The following POFUT3 variants were observed in gnomAD, a reference collection of about 807,000 sequenced individuals.
POFUT3 encodes GDP-fucose protein O-fucosyltransferase 3.
chr8:33,399,575 A>G, the POFUT3 span, among the ~76,000 whole-genome samples: 1 of 152,328 alleles, frequency 6.6e-6, no homozygotes, highest in Non-Finnish European at 1.5e-5. Context: ...ATCATGAAAT[A>G]CTAATATCAG....
At chr8:33,373,442 C>A in the POFUT3 span, among the ~76,000 whole-genome samples, 4 of 152,294 alleles carry the variant, frequency 2.6e-5, no homozygotes, top group Non-Finnish European at 4.4e-5. Flanking sequence ...AATAATGGTA[C>A]CTGACATTGG....
chr8:33,417,188 T>C, the POFUT3 span, among the ~76,000 whole-genome samples: 1,700 of 152,286 alleles, frequency 0.011, 71 homozygotes, highest in East Asian at 0.1. Flanking sequence ...GGTTGCACGC[T>C]CCTTATGAGA....
the POFUT3 span, among the ~76,000 whole-genome samples, chr8:33,334,879 G>A: frequency 6.6e-6 from 1 of 152,278 alleles, no homozygotes; most frequent in South Asian, 2.1e-4. Flanking sequence ...GAGGCATAAG[G>A]TGAGACGCCT....
the POFUT3 span, among the ~76,000 whole-genome samples, chr8:33,395,264 C>CCCA: frequency 1.3e-5 from 2 of 152,078 alleles, no homozygotes; most frequent in East Asian, 1.9e-4. Flanking sequence ...TTTGGCCTGC[C>CCCA]CCACCACCTA....
the POFUT3 span, among the ~76,000 whole-genome samples, chr8:33,402,910 A>T: frequency 6.6e-6 from 1 of 151,796 alleles, no homozygotes; most frequent in Non-Finnish European, 1.5e-5. Flanking sequence ...ATTTTTTAAA[A>T]ATCAGCCAGG....
At chr8:33,461,636 T>A in the POFUT3 span, 1 of 1,527,540 alleles carries the variant, frequency 6.5e-7, no homozygotes, top group Non-Finnish European at 8.8e-7. Context: ...AGGGTCTGGC[T>A]TGGCATCGAG....
the POFUT3 span, among the ~76,000 whole-genome samples, chr8:33,397,917 C>T: frequency 2.0e-5 from 3 of 152,266 alleles, no homozygotes; most frequent in East Asian, 5.8e-4. Context: ...GAAGCATAGG[C>T]ATTTCTAAAA....
chr8:33,309,164 A>T, the POFUT3 span, among the ~76,000 whole-genome samples: 14 of 62,322 alleles, frequency 2.2e-4, no homozygotes, highest in African/African-American at 1.4e-3. Context: ...AAAAAAAAAA[A>T]AAAATATATA....
At chr8:33,443,427 T>C in the POFUT3 span, among the ~76,000 whole-genome samples, 2 of 152,228 alleles carry the variant, frequency 1.3e-5, no homozygotes. Context: ...AGGTGTTTCA[T>C]CTGTATTCAT....
chr8:33,346,352 G>A, the POFUT3 span, among the ~76,000 whole-genome samples: 17 of 152,208 alleles, frequency 1.1e-4, no homozygotes, highest in South Asian at 1.2e-3. Flanking sequence ...CCAATTACAG[G>A]TTGAGCTTTA....
chr8:33,330,978 C>T, the POFUT3 span, among the ~76,000 whole-genome samples: 1 of 152,036 alleles, frequency 6.6e-6, no homozygotes, highest in East Asian at 1.9e-4. Flanking sequence ...CTTCCTAGAA[C>T]AGTAGGAAGT....
the POFUT3 span, among the ~76,000 whole-genome samples, chr8:33,463,682 C>T: frequency 1.3e-5 from 2 of 152,088 alleles, no homozygotes; most frequent in Non-Finnish European, 2.9e-5. Flanking sequence ...GTAGCTGGGA[C>T]TAATGGCATG....
At chr8:33,420,147 T>C in the POFUT3 span, among the ~76,000 whole-genome samples, 1 of 152,098 alleles carries the variant, frequency 6.6e-6, no homozygotes, top group Admixed American at 6.6e-5. Context: ...AATAAATAAA[T>C]AAAATGTATG....
chr8:33,380,259 A>ATACTATATATATATATATACTATATATAT, the POFUT3 span, among the ~76,000 whole-genome samples: 1 of 109,514 alleles, frequency 9.1e-6, no homozygotes, highest in Non-Finnish European at 1.7e-5. Context: ...ATATATATAT[A>ATACTATATATATATATATACTATATATAT]GTAGAAAAGG....
chr8:33,465,788 T>A, the POFUT3 span, among the ~76,000 whole-genome samples: 1 of 152,158 alleles, frequency 6.6e-6, no homozygotes, highest in Non-Finnish European at 1.5e-5. Flanking sequence ...AGGATCATAT[T>A]TTTTAAAGAC....
chr8:33,322,746 G>C, the POFUT3 span, among the ~76,000 whole-genome samples: 2 of 152,160 alleles, frequency 1.3e-5, no homozygotes, highest in African/African-American at 2.4e-5. Flanking sequence ...TAATGAAAAA[G>C]ACAGCAATCT....
the POFUT3 span, among the ~76,000 whole-genome samples, chr8:33,326,362 C>A: frequency 6.6e-6 from 1 of 152,206 alleles, no homozygotes; most frequent in East Asian, 1.9e-4. Context: ...ACTCCAAAAC[C>A]CCACTCTACG....
At chr8:33,441,163 T>G in the POFUT3 span, among the ~76,000 whole-genome samples, 1 of 151,694 alleles carries the variant, frequency 6.6e-6, no homozygotes, top group African/African-American at 2.4e-5. Flanking sequence ...AAACCCCATC[T>G]CTACTAAAAA....
At chr8:33,366,244 C>T in the POFUT3 span, among the ~76,000 whole-genome samples, 1 of 152,122 alleles carries the variant, frequency 6.6e-6, no homozygotes, top group Non-Finnish European at 1.5e-5. Context: ...ACATCACACA[C>T]CAGGGCCTGT....
Sources: gnomAD v4.1 joint callset for allele counts (sites outside exome capture counted in the v4.1 genomes callset) on GRCh38, gnomAD v4.1.1 for gene constraint, MANE v1.5 for transcripts, NCBI Gene and HGNC (gene_info 2026-07-23, HGNC 2026-07-21) for gene names.